Variants in SGCD observed in about 807,000 individuals in gnomAD.
SGCD encodes the protein sarcoglycan delta, also known as delta-sarcoglycan.
Under a neutral mutation model 36.6 loss-of-function variants are expected in SGCD, and 18 were observed. The observed-to-expected ratio is 0.49, with a 90% CI of 0.34 to 0.73. SGCD has a LOEUF of 0.73. Among genes scored for constraint, SGCD ranks in the 30% least tolerant of loss-of-function variants. The pLI is 0.01. For missense variants in SGCD, 387 were observed against 346.7 expected, an observed-to-expected ratio of 1.12 and a Z score of -0.92; for synonymous variants, 133 against 130.6, an observed-to-expected ratio of 1.02 and a Z score of -0.12.
chr5:155,964,755 A>G (rs966280574), intron 1 of SGCD, among the ~76,000 whole-genome samples: 3 of 152,120 alleles, frequency 2.0e-5, no homozygotes, highest in East Asian at 1.9e-4. Context: ...TACCAGGGCT[A>G]TAACTCCAGA....
At chr5:156,400,445 A>G (rs1248327729) in intron 3 of SGCD, among the ~76,000 whole-genome samples, 1 of 152,214 alleles carries the variant, frequency 6.6e-6, no homozygotes, top group Non-Finnish European at 1.5e-5. Flanking sequence ...TCCACATTTT[A>G]AAGGGGACAT....
chr5:156,426,766 T>C (rs1157769883), intron 3 of SGCD, among the ~76,000 whole-genome samples: 1 of 151,982 alleles, frequency 6.6e-6, no homozygotes, highest in Admixed American at 6.6e-5. Flanking sequence ...ATCCAGTTCA[T>C]TCTTCTACTT....
chr5:156,503,716 A>C (rs1756556371), intron 3 of SGCD, among the ~76,000 whole-genome samples: 1 of 152,200 alleles, frequency 6.6e-6, no homozygotes, highest in African/African-American at 2.4e-5. Flanking sequence ...AAAGAAGGAA[A>C]ATAATAATTA....
At chr5:155,796,176 C>T in the SGCD span, among the ~76,000 whole-genome samples, 9 of 152,176 alleles carry the variant, frequency 5.9e-5, no homozygotes, top group Non-Finnish European at 1.3e-4. Context: ...TACAAATCAT[C>T]ACCCAACTGA....
intron 1 of SGCD, among the ~76,000 whole-genome samples, chr5:155,914,082 G>C (rs1756688305): frequency 6.6e-6 from 1 of 152,180 alleles, no homozygotes; most frequent in African/African-American, 2.4e-5. Flanking sequence ...AAGGACATAA[G>C]CAACTTGCCC....
At chr5:156,688,618 A>G (rs1285920375) in intron 7 of SGCD, among the ~76,000 whole-genome samples, 1 of 152,342 alleles carries the variant, frequency 6.6e-6, no homozygotes, top group Middle Eastern at 3.4e-3. Context: ...CCTGGGAACC[A>G]GCAGAGTCTG....
the SGCD span, among the ~76,000 whole-genome samples, chr5:155,778,915 C>A: frequency 9.1e-3 from 1,388 of 152,248 alleles, 27 homozygotes; most frequent in African/African-American, 0.032. Flanking sequence ...CAGATACAAG[C>A]TTTTCCACCA....
At chr5:156,457,708 G>T (rs1358039632) in intron 3 of SGCD, among the ~76,000 whole-genome samples, 1 of 152,120 alleles carries the variant, frequency 6.6e-6, no homozygotes, top group Non-Finnish European at 1.5e-5. Flanking sequence ...TCCCTATGCC[G>T]CTCATAGTAA....
chr5:156,147,750 A>G (rs988416616), intron 3 of SGCD, among the ~76,000 whole-genome samples: 2 of 152,208 alleles, frequency 1.3e-5, no homozygotes, highest in Non-Finnish European at 2.9e-5. Context: ...GCAGTTTGCA[A>G]GTTGTCCAAT....
At chr5:155,847,782 A>G in the SGCD span, among the ~76,000 whole-genome samples, 1 of 152,190 alleles carries the variant, frequency 6.6e-6, no homozygotes, top group Non-Finnish European at 1.5e-5. Flanking sequence ...CCAACTGTAC[A>G]AGCCATTTTA....
intron 7 of SGCD, among the ~76,000 whole-genome samples, chr5:156,731,077 C>T (rs1756036215): frequency 6.6e-6 from 1 of 151,890 alleles, no homozygotes; most frequent in South Asian, 2.1e-4. Flanking sequence ...TGTCCTTTGC[C>T]TACTTTTAAC....
At chr5:156,272,465 T>C (rs1312318635) in intron 3 of SGCD, among the ~76,000 whole-genome samples, 1 of 152,220 alleles carries the variant, frequency 6.6e-6, no homozygotes, top group Non-Finnish European at 1.5e-5. Context: ...CAATTATGAA[T>C]TGTGCTGCTA....
chr5:156,464,800 G>A (rs1454279599), intron 3 of SGCD, among the ~76,000 whole-genome samples: 5 of 152,070 alleles, frequency 3.3e-5, no homozygotes, highest in Admixed American at 6.6e-5. Flanking sequence ...GTCAAATAAC[G>A]TAATGACATT....
At chr5:156,154,763 A>G (rs1177640488) in intron 3 of SGCD, among the ~76,000 whole-genome samples, 1 of 151,672 alleles carries the variant, frequency 6.6e-6, no homozygotes, top group African/African-American at 2.4e-5. Context: ...TTGACTACTC[A>G]ACCTTGTGCC....
In SGCD at chr5:156,053,087, G is replaced by A. The variant is rs576794379; in HGVS notation, c.-281-64791G>A. Among the ~76,000 whole-genome samples the A allele has an allele frequency of 2.7e-5, 4 of 146,550 alleles. 1 individual carries two copies. The highest frequency in any genetic ancestry group is 4.6e-5 in the Non-Finnish European group (3 of 64,998). ...GGACACACTTGATACTTGAATTAGG[G>A]TGGGCAAAAGGCTTGTCCCTACCTA... is the stretch of plus-strand genomic sequence containing the variant. On this transcript the variant is annotated intron_variant, in intron 1 of 9. Transcript: ENST00000517913.
rs1039589012 is a variant in SGCD at position 156,072,285 on chromosome 5, T to C, written c.-281-45593T>C. ...GGCTGGTACCAGTTGTTCCTTTCCA[T>C]GTTTAGTGCTTCCTTCAGGAGCTCT... On this transcript the variant is annotated intron_variant, in intron 1 of 9. Coordinates refer to the SGCD transcript ENST00000517913. Among the ~76,000 whole-genome samples the C allele has an allele frequency of 9.9e-5, 15 of 152,214 alleles. No individual in the cohort carries two copies. The East Asian group carries it at 2.5e-3, about 25-fold the overall frequency.
chr5:156,530,853 C>T (rs538822205), intron 4 of SGCD, among the ~76,000 whole-genome samples: 58 of 152,036 alleles, frequency 3.8e-4, no homozygotes, highest in Non-Finnish European at 7.4e-4. Context: ...GCTGGGATTA[C>T]AGGCGTGAGC....
chr5:156,375,399 T>C (rs1263195908), intron 3 of SGCD, among the ~76,000 whole-genome samples: 7 of 141,006 alleles, frequency 5.0e-5, no homozygotes, highest in Non-Finnish European at 1.0e-4. Flanking sequence ...TCACAGCTTT[T>C]TTTTTTTTTT....
chr5:156,623,635 A>T (rs1412251010), intron 6 of SGCD, among the ~76,000 whole-genome samples: 1 of 152,244 alleles, frequency 6.6e-6, no homozygotes, highest in Non-Finnish European at 1.5e-5. Flanking sequence ...CAGAGGTCAA[A>T]GCACATTTAA....
Sources: allele counts gnomAD v4.1 joint callset (sites outside exome capture counted in the v4.1 genomes callset), GRCh38; gene constraint gnomAD v4.1.1; transcripts MANE v1.5; gene names NCBI Gene and HGNC (gene_info 2026-07-23, HGNC 2026-07-21).